Variants in PTPRD observed in about 807,000 individuals in gnomAD.
PTPRD encodes protein tyrosine phosphatase receptor type D, also known as receptor-type tyrosine-protein phosphatase delta.
PTPRD carries 34 observed loss-of-function variants against 214.5 expected under a neutral mutation model. The ratio of observed to expected loss-of-function variants is 0.16; its 90% CI spans 0.12 to 0.21. The LOEUF is 0.21. PTPRD is among the 10% of genes least tolerant of loss of function. The pLI is 1.00. For missense variants in PTPRD, 2,545 were observed against 2,398.7 expected, an observed-to-expected ratio of 1.06 and a Z score of -1.27; for synonymous variants, 1,128 against 845.7, an observed-to-expected ratio of 1.33 and a Z score of -5.79.
At chr9:9,712,166 A>T (rs962997238) in intron 7 of PTPRD, among the ~76,000 whole-genome samples, 6 of 152,094 alleles carry the variant, frequency 3.9e-5, no homozygotes, top group Admixed American at 2.6e-4. Flanking sequence ...TATCCATTAA[A>T]TTTTTTTTGT....
intron 11 of PTPRD, among the ~76,000 whole-genome samples, chr9:9,003,186 T>G (rs2099430460): frequency 6.6e-6 from 1 of 152,034 alleles, no homozygotes; most frequent in Non-Finnish European, 1.5e-5. Flanking sequence ...TCCCAGTACT[T>G]TCAGCTGGCC....
chr9:10,038,299 A>G (rs900894803), intron 3 of PTPRD, among the ~76,000 whole-genome samples: 2 of 152,138 alleles, frequency 1.3e-5, no homozygotes, highest in Admixed American at 6.6e-5. Context: ...ATACAAAGCC[A>G]TAGCTTGAAT....
intron 8 of PTPRD, among the ~76,000 whole-genome samples, chr9:9,570,436 C>A (rs1283223096): frequency 6.6e-6 from 1 of 151,532 alleles, no homozygotes; most frequent in African/African-American, 2.4e-5. Context: ...TCAATTACCT[C>A]TATATGTGGT....
chr9:8,709,104 G>C (rs1390628984), intron 12 of PTPRD, among the ~76,000 whole-genome samples: 1 of 151,982 alleles, frequency 6.6e-6, no homozygotes, highest in African/African-American at 2.4e-5. Context: ...TAGGGGGTTG[G>C]GAGGGGTTGG....
intron 12 of PTPRD, among the ~76,000 whole-genome samples, chr9:8,687,711 C>T (rs921105610): frequency 2.0e-5 from 3 of 150,214 alleles, no homozygotes; most frequent in African/African-American, 7.3e-5. Flanking sequence ...CTGAAGTAAA[C>T]AAAATAAGAG....
At chr9:8,415,858 G>C (rs1003223588) in intron 35 of PTPRD, among the ~76,000 whole-genome samples, 2 of 151,794 alleles carry the variant, frequency 1.3e-5, no homozygotes, top group African/African-American at 4.8e-5. Context: ...ATGCAAGTGA[G>C]GTTTCCAGAA....
chr9:9,103,881 C>G lies in PTPRD; in HGVS notation c.-143+79423G>C, dbSNP rs578020121. On this transcript the variant is annotated intron_variant, in intron 10 of 45. Coordinates refer to ENST00000381196, the MANE Select transcript of PTPRD (RefSeq NM_002839.4). ...CCTGTATTCCCAGATACCCTGGAGGCTGAGGTGAGAAGATCGCTGGAGCCT... is the reference window on the plus strand; with the variant it reads ...CCTGTATTCCCAGATACCCTGGAGGGTGAGGTGAGAAGATCGCTGGAGCCT... 1.0e-3 allele frequency among the ~76,000 whole-genome samples: 153 copies of G among 152,178 alleles called. 1 individual carries two copies. Among genetic ancestry groups the G allele is most frequent in the African/African-American group, 3.5e-3 (144 of 41,530 alleles).
At chr9:9,385,857 G>A (rs2063711751) in intron 9 of PTPRD, among the ~76,000 whole-genome samples, 1 of 152,134 alleles carries the variant, frequency 6.6e-6, no homozygotes. Flanking sequence ...GAAGGTAAAT[G>A]TTAGAGGTGT....
chr9:8,980,186 A>G (rs2154339703), intron 11 of PTPRD, among the ~76,000 whole-genome samples: 1 of 152,198 alleles, frequency 6.6e-6, no homozygotes, highest in Non-Finnish European at 1.5e-5. Context: ...AAAAGAAGTC[A>G]AATACACAGA....
intron 5 of PTPRD, among the ~76,000 whole-genome samples, chr9:9,850,515 T>G (rs72692705): frequency 0.038 from 5,757 of 152,214 alleles, 157 homozygotes; most frequent in South Asian, 0.066. Flanking sequence ...AAAAATTAAA[T>G]GGAAGGGGAA....
At chr9:8,875,305 C>A (rs2098375089) in intron 11 of PTPRD, among the ~76,000 whole-genome samples, 1 of 152,118 alleles carries the variant, frequency 6.6e-6, no homozygotes, top group African/African-American at 2.4e-5. Context: ...GTAGGAGGAT[C>A]CCGTGAGCCC....
intron 11 of PTPRD, among the ~76,000 whole-genome samples, chr9:8,946,092 A>G (rs2099062389): frequency 6.6e-6 from 1 of 152,184 alleles, no homozygotes; most frequent in South Asian, 2.1e-4. Context: ...AGCAAAATGT[A>G]AATACATACC....
At chr9:9,739,820 C>CATAT (rs34275197) in intron 6 of PTPRD, among the ~76,000 whole-genome samples, 1 of 150,442 alleles carries the variant, frequency 6.6e-6, no homozygotes, top group Non-Finnish European at 1.5e-5. Context: ...TTTTTCTCTA[C>CATAT]ATATATATAT....
chr9:8,924,346 G>A (rs972947443), intron 11 of PTPRD, among the ~76,000 whole-genome samples: 2 of 152,042 alleles, frequency 1.3e-5, no homozygotes, highest in African/African-American at 2.4e-5. Context: ...TCTCTTCTTG[G>A]TACAAGGAGA....
chr9:9,452,264 T>C (rs2092341357), intron 8 of PTPRD, among the ~76,000 whole-genome samples: 1 of 151,534 alleles, frequency 6.6e-6, no homozygotes, highest in African/African-American at 2.4e-5. Flanking sequence ...ATATTTTCAG[T>C]GTGTTGATTG....
rs567312358 is a variant in PTPRD at position 9,023,601 on chromosome 9, C to T, written c.-142-4866G>A. ...GTGCAGGTTTGTTACAGGGGTATATCGCATCCAGCTAGTGAGTATAGTACC... is the reference window on the plus strand; with the variant it reads ...GTGCAGGTTTGTTACAGGGGTATATTGCATCCAGCTAGTGAGTATAGTACC... On this transcript the variant is annotated intron_variant, in intron 10 of 45. Transcript: ENST00000381196. 4.6e-5 allele frequency among the ~76,000 whole-genome samples: 7 copies of T among 152,004 alleles called. 1 individual carries two copies. The South Asian group carries it at 1.5e-3, about 32-fold the overall frequency.
intron 11 of PTPRD, among the ~76,000 whole-genome samples, chr9:8,749,913 C>A (rs1277206720): frequency 6.6e-6 from 1 of 151,930 alleles, no homozygotes; most frequent in Non-Finnish European, 1.5e-5. Flanking sequence ...ACCAGCCTGG[C>A]CAACATGGTG....
chr9:8,882,200 A>G lies in PTPRD; in HGVS notation c.-104+136497T>C, dbSNP rs113402134. ...AAGAAATACTGTCGACTCATTGACT[A>G]AAAACAGAGTGGTGTTCCTTTCATT... On this transcript the variant is annotated intron_variant, in intron 11 of 45. Transcript: ENST00000381196. Among the ~76,000 whole-genome samples the G allele has an allele frequency of 3.0e-3, 455 of 152,340 alleles. 6 individuals are homozygous for G. Among genetic ancestry groups the G allele is most frequent in the African/African-American group, 0.01 (430 of 41,576 alleles).
chr9:8,519,232 T>C (rs1253887616), intron 20 of PTPRD, among the ~76,000 whole-genome samples: 8 of 152,226 alleles, frequency 5.3e-5, no homozygotes, highest in Admixed American at 2.6e-4. Context: ...ATGCATTCTA[T>C]ATTCCACATC....
Sources: allele counts gnomAD v4.1 joint callset (sites outside exome capture counted in the v4.1 genomes callset), GRCh38; gene constraint gnomAD v4.1.1; transcripts MANE v1.5; gene names NCBI Gene and HGNC (gene_info 2026-07-23, HGNC 2026-07-21).